NONO: variants seen among roughly 807,000 people sequenced by gnomAD.
NONO encodes the protein non-POU domain-containing octamer-binding protein.
In NONO, 6 loss-of-function variants were observed where a neutral mutation model predicts 40.2. That is an observed-to-expected ratio of 0.15 (90% CI 0.08 to 0.29). The LOEUF (loss-of-function observed/expected upper bound fraction) is 0.29, where lower values mean the gene tolerates loss of function less well. Ranked by LOEUF, NONO falls within the 10% of genes least tolerant of loss-of-function variation. The pLI is 1.00. For missense variants in NONO, 133 were observed against 397.8 expected, an observed-to-expected ratio of 0.33 and a Z score of 5.66; for synonymous variants, 89 against 123.3, an observed-to-expected ratio of 0.72 and a Z score of 1.85.
chrX:71,286,760 C>T (rs2031198202), intron 2 of NONO, among the ~76,000 whole-genome samples: 1 of 111,617 alleles, frequency 9.0e-6, no homozygotes, highest in South Asian at 3.7e-4. Context: ...TGTTTTCTTA[C>T]CATAAAGGCC....
At position 71,288,740 on chromosome X, in the gene NONO, A is replaced by G. The variant is rs745328951; in HGVS notation, c.-9-1889A>G. Among the ~76,000 whole-genome samples the G allele has an allele frequency of 8.0e-5, 9 of 112,669 alleles. No individual in the cohort carries two copies. The South Asian group carries it at 3.3e-3, about 41-fold the overall frequency. ...TGCTTTAGTAGTCATTTGTCTTTCC[A>G]CTGTAATTAATAAATATTTAGAGTG... On this transcript the variant is annotated intron_variant, in intron 2 of 11. Transcript: ENST00000276079.
At chrX:71,291,507 C>G (rs983985103) in intron 3 of NONO, among the ~76,000 whole-genome samples, 3 of 109,226 alleles carry the variant, frequency 2.7e-5, no homozygotes, top group Middle Eastern at 9.5e-3. Context: ...CTTAATTTTT[C>G]TCTTTGGCCG....
chrX:71,285,405 G>A (rs1374434967), intron 2 of NONO, among the ~76,000 whole-genome samples: 1 of 111,307 alleles, frequency 9.0e-6, no homozygotes, highest in African/African-American at 3.3e-5. Context: ...TGCTCATGGC[G>A]TTTAAAATCC....
At chrX:71,295,064 A>G (rs938877849) in intron 5 of NONO, among the ~76,000 whole-genome samples, 7 of 109,819 alleles carry the variant, frequency 6.4e-5, no homozygotes, top group African/African-American at 2.3e-4. Flanking sequence ...AAAAATACAA[A>G]TAAATAAAAT....
chrX:71,285,712 G>T (rs2031174053), intron 2 of NONO, among the ~76,000 whole-genome samples: 1 of 112,009 alleles, frequency 8.9e-6, no homozygotes, highest in African/African-American at 3.2e-5. Context: ...TGCATTATCA[G>T]TTACTGAAAT....
At chrX:71,288,119 C>CTTTTTTTTTTTTT (rs41517053) in intron 2 of NONO, among the ~76,000 whole-genome samples, 6 of 53,854 alleles carry the variant, frequency 1.1e-4, no homozygotes, top group African/African-American at 2.4e-4. Context: ...TTATTTTTAT[C>CTTTTTTTTTTTTT]TTTTTTTTTT....
intron 5 of NONO, among the ~76,000 whole-genome samples, chrX:71,294,920 AAAAT>A (rs1292633739): frequency 9.2e-6 from 1 of 108,969 alleles, no homozygotes; most frequent in Admixed American, 9.8e-5. Context: ...CTGCCTCAAA[AAAAT>A]AAATAAAAGA....
At chrX:71,293,807 A>G (rs1173191560) in intron 4 of NONO, among the ~76,000 whole-genome samples, 2 of 109,412 alleles carry the variant, frequency 1.8e-5, no homozygotes, top group Non-Finnish European at 3.8e-5. Flanking sequence ...AATTTTTTGT[A>G]TTTTAGTAGA....
chrX:71,296,646 C>A lies in NONO; in HGVS notation c.732C>A (p.Asn244Lys), dbSNP rs759584441. Reference sequence around the variant, plus strand: ...TTCCAGAGAAGCTGGTTATAAAAAACCAGCAATTTCACAAGTATGCAGTCT... The same window carrying A: ...TTCCAGAGAAGCTGGTTATAAAAAAACAGCAATTTCACAAGTATGCAGTCT... ...EGLPEKLVIKNQQFHKEREQP... is the reference protein window; with the variant it reads ...EGLPEKLVIKKQQFHKEREQP... Residue 244 changes from asparagine (N) to lysine (K), a missense_variant, in exon 6 of 12, where the codon AAC becomes AAA. Transcript: ENST00000276079. 8.4e-7 allele frequency: 1 copy of A among 1,189,985 alleles called. No homozygotes were observed.
At position 71,300,374 on chromosome X, in the gene NONO, C is replaced by T; in HGVS notation, c.*298C>T. The T allele has an allele frequency of 3.3e-6, 1 of 299,128 alleles. No individual in the cohort carries two copies. The allele number at this position is 299,128 out of a possible 1,213,427, so 24.7% of individuals were successfully genotyped here. A position where few individuals can be genotyped will look rare whatever the true frequency, so the allele number is the denominator to read the frequency against. On this transcript the variant is annotated 3_prime_UTR_variant, in exon 12 of 12. Transcript: ENST00000276079. The stretch of plus-strand genomic sequence containing the variant: ...GTGGATCCAGTTAGAGCCCATTAAT[C>T]TTGATCATTCCGGTTTTTTTTTTTT...
intron 10 of NONO, 23 bp from the exon 11 acceptor site, chrX:71,298,684 C>T: frequency 8.6e-7 from 1 of 1,160,507 alleles, no homozygotes. Flanking sequence ...ATCCCTTGTG[C>T]TGATCACACT....
Position 71,298,021 on chromosome X carries a change from C to G in NONO, c.1131+83C>G, listed in dbSNP as rs763624411. ...TTGTCTGCTAGGTTACCGGTTATGA[C>G]CAATTTTCCCGTGTTGTGAAATAAC... On this transcript the variant is annotated intron_variant, in intron 9 of 11. Coordinates refer to ENST00000276079, the MANE Select transcript of NONO (RefSeq NM_007363.5). 12 of 612,253 alleles carry G rather than the reference C, an allele frequency of 2.0e-5. No individual in the cohort carries two copies. The African/African-American group carries it at 2.7e-4, about 14-fold the overall frequency. The allele number at this position is 612,253 out of a possible 1,213,427, so 50.5% of individuals were successfully genotyped here.
At chrX:71,290,440 GT>G (rs1336333814) in intron 2 of NONO, among the ~76,000 whole-genome samples, 188 bp from the exon 3 acceptor site, 2 of 110,739 alleles carry the variant, frequency 1.8e-5, no homozygotes, top group African/African-American at 3.3e-5. Context: ...TTTTAACATA[GT>G]TTCCATATGC....
Position 71,300,290 on chromosome X carries a change from G to A in NONO, c.*214G>A. The A allele has an allele frequency of 2.3e-6, 1 of 429,128 alleles. No individual in the cohort carries two copies. Among genetic ancestry groups the A allele is most frequent in the Non-Finnish European group, 4.0e-6 (1 of 247,187 alleles). The allele number at this position is 429,128 out of a possible 1,213,427, so 35.4% of individuals were successfully genotyped here. Reference sequence around the variant, plus strand: ...TGGTATATTGTTTAATCAGTTCTGTGTGGTGCATTCCTGAAGTCTCTAATG... The same window carrying A: ...TGGTATATTGTTTAATCAGTTCTGTATGGTGCATTCCTGAAGTCTCTAATG... On this transcript the variant is annotated 3_prime_UTR_variant, in exon 12 of 12. Coordinates refer to ENST00000276079, the MANE Select transcript of NONO (RefSeq NM_007363.5).
intron 2 of NONO, among the ~76,000 whole-genome samples, chrX:71,287,011 A>C (rs1207696916): frequency 8.9e-6 from 1 of 112,383 alleles, no homozygotes; most frequent in Non-Finnish European, 1.9e-5. Flanking sequence ...ATTCCCGTAT[A>C]CTCATCATCA....
intron 9 of NONO, chrX:71,298,241 C>G: frequency 4.5e-6 from 2 of 445,286 alleles, no homozygotes; most frequent in East Asian, 3.7e-5. Flanking sequence ...GAAGCAATCT[C>G]TTCCCCCTTT....
chrX:71,296,145 CTTTT>C (rs757644657), intron 5 of NONO, among the ~76,000 whole-genome samples: 2 of 93,956 alleles, frequency 2.1e-5, no homozygotes, highest in Non-Finnish European at 4.3e-5. Flanking sequence ...TTTTTCTTTT[CTTTT>C]TTTTTTTTTT....
intron 5 of NONO, among the ~76,000 whole-genome samples, chrX:71,295,211 ACT>A (rs1432073433): frequency 8.7e-5 from 7 of 80,760 alleles, no homozygotes; most frequent in East Asian, 3.7e-4. Flanking sequence ...ATAGAGCAAG[ACT>A]CTGTCTCAAA....
At chrX:71,288,717 C>T (rs1241881929) in intron 2 of NONO, among the ~76,000 whole-genome samples, 1 of 112,821 alleles carries the variant, frequency 8.9e-6, no homozygotes, top group Non-Finnish European at 1.9e-5. Context: ...GCTTTTATTG[C>T]TTTAGTAGTC....
Sources: allele counts gnomAD v4.1 joint callset (sites outside exome capture counted in the v4.1 genomes callset), GRCh38; gene constraint gnomAD v4.1.1; transcripts MANE v1.5; gene names NCBI Gene and HGNC (gene_info 2026-07-23, HGNC 2026-07-21).